The following BABAM2 variants were observed in gnomAD, a reference collection of about 807,000 sequenced individuals.
BABAM2 encodes the protein BRISC and BRCA1-A complex member 2.
In BABAM2, 31 loss-of-function variants were observed where a neutral mutation model predicts 54.7. That is an observed-to-expected ratio of 0.57 (90% confidence interval 0.43 to 0.77). The LOEUF (loss-of-function observed/expected upper bound fraction) is 0.77, where lower values mean the gene tolerates loss of function less well. Ranked by LOEUF, BABAM2 falls within the 30% of genes least tolerant of loss-of-function variation. The pLI, the probability that BABAM2 is intolerant of heterozygous loss-of-function variation, is 0.00. For synonymous variants in BABAM2, 167 were observed against 162.9 expected (o/e 1.03, Z -0.19); for missense variants, 364 against 455.8 (o/e 0.80, Z 1.83).
chr2:27,938,193 T>C (rs906726817), intron 3 of BABAM2, among the ~76,000 whole-genome samples: 127 of 152,348 alleles, frequency 8.3e-4, no homozygotes, highest in African/African-American at 3.0e-3. Context: ...AGTAAGGTCA[T>C]AGTGTTTAAT....
intron 7 of BABAM2, among the ~76,000 whole-genome samples, chr2:28,191,380 C>A (rs756391102): frequency 6.6e-5 from 10 of 152,308 alleles, no homozygotes; most frequent in African/African-American, 9.6e-5. Context: ...CCCAGCCATT[C>A]TACTGCAGGT....
chr2:28,241,451 C>A, intron 9 of BABAM2, 58 bp downstream of exon 9: 1 of 1,494,824 alleles, frequency 6.7e-7, no homozygotes, highest in South Asian at 1.1e-5. Context: ...CTGATGACCT[C>A]AACATGGGGG....
Position 28,261,851 on chromosome 2 carries a change from T to C in BABAM2, c.934+16989T>C, listed in dbSNP as rs374435923. Among the ~76,000 whole-genome samples the C allele has an allele frequency of 3.3e-5, 5 of 149,620 alleles. No homozygotes were observed. In the East Asian group the frequency reaches 1.0e-3, roughly 31 times the overall value. ...ATGCAATACTTTATTCATTTATATA[T>C]TGATTTATCCCTTCGGTCATCATGT... is the stretch of plus-strand genomic sequence containing the variant. On this transcript the variant is annotated intron_variant, in intron 10 of 11. Coordinates refer to ENST00000379624, the MANE Select transcript of BABAM2 (RefSeq NM_199191.3).
intron 11 of BABAM2, among the ~76,000 whole-genome samples, chr2:28,299,918 C>A (rs1352845000): frequency 6.6e-6 from 1 of 151,942 alleles, no homozygotes; most frequent in East Asian, 1.9e-4. Context: ...TTATAGCAGG[C>A]TTGATAACTT....
intron 7 of BABAM2, among the ~76,000 whole-genome samples, chr2:28,192,649 G>A (rs972741009): frequency 2.7e-5 from 4 of 150,820 alleles, no homozygotes; most frequent in Non-Finnish European, 5.9e-5. Flanking sequence ...AGCCTCCTGA[G>A]TAGCTGGGAC....
chr2:28,195,896 T>C (rs746894199), intron 7 of BABAM2, among the ~76,000 whole-genome samples: 1 of 152,194 alleles, frequency 6.6e-6, no homozygotes, highest in Admixed American at 6.5e-5. Context: ...ACAGCACCCA[T>C]GCAATATCTC....
intron 10 of BABAM2, among the ~76,000 whole-genome samples, chr2:28,269,594 G>T (rs997595617): frequency 8.5e-5 from 13 of 152,186 alleles, no homozygotes; most frequent in Non-Finnish European, 1.5e-5. Flanking sequence ...CAAACCTTTT[G>T]TAAAAGGGAA....
intron 11 of BABAM2, among the ~76,000 whole-genome samples, chr2:28,337,733 C>A (rs10193761): frequency 6.6e-6 from 1 of 152,142 alleles, no homozygotes; most frequent in East Asian, 1.9e-4. Flanking sequence ...GCCTATAATC[C>A]CAGCACTTTG....
chr2:27,954,023 C>G (rs1261520078), intron 3 of BABAM2, among the ~76,000 whole-genome samples: 1 of 152,132 alleles, frequency 6.6e-6, no homozygotes, highest in Non-Finnish European at 1.5e-5. Flanking sequence ...AAATTAGAGT[C>G]TTTTCATATT....
chr2:28,049,717 G>C (rs572038026), intron 6 of BABAM2, among the ~76,000 whole-genome samples: 1 of 152,342 alleles, frequency 6.6e-6, no homozygotes, highest in East Asian at 1.9e-4. Context: ...CAGAGCCCAG[G>C]TCACTCTGCC....
chr2:28,248,207 C>CTTTTTTTTT (rs780563394), intron 10 of BABAM2, among the ~76,000 whole-genome samples: 1 of 54,304 alleles, frequency 1.8e-5, no homozygotes, highest in African/African-American at 6.7e-5. Context: ...TTTTCTTTTT[C>CTTTTTTTTT]TTTTTTTTTT....
At chr2:28,106,160 A>G (rs1231435811) in intron 6 of BABAM2, among the ~76,000 whole-genome samples, 1 of 152,240 alleles carries the variant, frequency 6.6e-6, no homozygotes. Context: ...ATGGTAAAAA[A>G]AAAATCAGGA....
chr2:27,933,248 T>A (rs1668229146), intron 3 of BABAM2, among the ~76,000 whole-genome samples: 1 of 152,168 alleles, frequency 6.6e-6, no homozygotes, highest in Admixed American at 6.6e-5. Context: ...TATTGTTGGA[T>A]ATCGTCATTA....
intron 10 of BABAM2, among the ~76,000 whole-genome samples, chr2:28,258,798 A>G (rs1441207398): frequency 6.6e-6 from 1 of 150,980 alleles, no homozygotes; most frequent in Admixed American, 6.6e-5. Context: ...TCTTTTTGAG[A>G]TGGAGTCTCA....
chr2:28,070,636 G>A (rs1267675179), intron 6 of BABAM2, among the ~76,000 whole-genome samples: 3 of 150,688 alleles, frequency 2.0e-5, no homozygotes, highest in Non-Finnish European at 4.4e-5. Context: ...TGCAAGCTCC[G>A]CCTCCCGGGT....
chr2:28,157,402 CTTAG>C (rs1314457790), intron 7 of BABAM2, among the ~76,000 whole-genome samples: 1 of 152,174 alleles, frequency 6.6e-6, no homozygotes, highest in African/African-American at 2.4e-5. Context: ...CCTTGGCAAA[CTTAG>C]TTAGCTTATT....
At chr2:28,173,939 AG>A (rs1448692444) in intron 7 of BABAM2, among the ~76,000 whole-genome samples, 1 of 152,178 alleles carries the variant, frequency 6.6e-6, no homozygotes, top group East Asian at 1.9e-4. Flanking sequence ...AGGATTTATA[AG>A]GGTTGACAGA....
intron 7 of BABAM2, among the ~76,000 whole-genome samples, chr2:28,188,166 T>C (rs143069379): frequency 1.6e-4 from 24 of 152,242 alleles, no homozygotes; most frequent in African/African-American, 5.5e-4. Flanking sequence ...CCTCGTTCAT[T>C]TGCTCTAGAA....
At chr2:27,925,240 C>A (rs1350264573) in intron 2 of BABAM2, among the ~76,000 whole-genome samples, 1 of 152,076 alleles carries the variant, frequency 6.6e-6, no homozygotes, top group Non-Finnish European at 1.5e-5. Flanking sequence ...TTTAGTGGCC[C>A]TTATAGATTG....
Sources: allele counts gnomAD v4.1 joint callset (sites outside exome capture counted in the v4.1 genomes callset), GRCh38; gene constraint gnomAD v4.1.1; transcripts MANE v1.5; gene names NCBI Gene and HGNC (gene_info 2026-07-23, HGNC 2026-07-21).